ELL: variants seen among roughly 807,000 people sequenced by gnomAD.
The protein encoded by ELL is elongation factor for RNA polymerase II, also known as RNA polymerase II elongation factor ELL.
In ELL, 18 loss-of-function variants were observed where a neutral mutation model predicts 64.0. That is an observed-to-expected ratio of 0.28 (90% CI 0.19 to 0.42). ELL has a LOEUF of 0.42. Among genes scored for constraint, ELL ranks in the 10% least tolerant of loss-of-function variants. ELL has a pLI of 1.00. For synonymous variants in ELL, 399 were observed against 376.2 expected (o/e 1.06, Z -0.70); for missense variants, 797 against 870.4 (o/e 0.92, Z 1.06).
intron 6 of ELL, among the ~76,000 whole-genome samples, chr19:18,457,694 G>A (rs1204796052): frequency 1.3e-5 from 2 of 152,218 alleles, no homozygotes; most frequent in Non-Finnish European, 2.9e-5. Context: ...CTGCTCCCCT[G>A]AGCTGCTGCC....
intron 1 of ELL, among the ~76,000 whole-genome samples, chr19:18,474,531 C>G (rs1453972141): frequency 6.6e-6 from 1 of 152,252 alleles, no homozygotes; most frequent in Non-Finnish European, 1.5e-5. Flanking sequence ...CACCCCTCAA[C>G]AAATACATGG....
At chr19:18,482,086 T>C (rs573717888) in intron 1 of ELL, among the ~76,000 whole-genome samples, 49 of 152,082 alleles carry the variant, frequency 3.2e-4, no homozygotes, top group African/African-American at 1.1e-3. Context: ...CTCGTGGAGG[T>C]TCATGTTTGG....
In ELL at chr19:18,461,567, G is replaced by A. The variant is rs1568380667; in HGVS notation, c.744+11C>T. The A allele has an allele frequency of 6.9e-6, 11 of 1,590,066 alleles. No homozygotes were observed. The highest frequency in any genetic ancestry group is 9.4e-6 in the Non-Finnish European group (11 of 1,172,958). ...CCACTGGTAAAGACAAGACATCGGG[G>A]CGGCACCCACCTGCTGGAGGAGGCC... On this transcript the variant is annotated intron_variant, in intron 5 of 11. Coordinates refer to ENST00000262809, the MANE Select transcript of ELL (RefSeq NM_006532.4).
At chr19:18,493,781 T>A (rs1376175849) in intron 1 of ELL, among the ~76,000 whole-genome samples, 1 of 152,108 alleles carries the variant, frequency 6.6e-6, no homozygotes, top group Non-Finnish European at 1.5e-5. Flanking sequence ...AGCAACCCCA[T>A]CCCTTTCTCA....
chr19:18,498,822 C>T (rs1003086276), intron 1 of ELL, among the ~76,000 whole-genome samples: 4 of 152,094 alleles, frequency 2.6e-5, no homozygotes, highest in South Asian at 4.2e-4. Context: ...TGGTGGCAGG[C>T]GCCTATAGTC....
At chr19:18,472,807 A>C (rs745426105) in intron 2 of ELL, 28 bp downstream of exon 2, 6 of 1,606,238 alleles carry the variant, frequency 3.7e-6, no homozygotes, top group Non-Finnish European at 5.1e-6. Flanking sequence ...CAAGATTCCA[A>C]ATATGAATGA....
At chr19:18,455,359 C>T (rs542013655) in intron 6 of ELL, among the ~76,000 whole-genome samples, 2 of 150,056 alleles carry the variant, frequency 1.3e-5, no homozygotes, top group East Asian at 2.0e-4. Flanking sequence ...GGCGTGGTGG[C>T]GGGCACCTGT....
chr19:18,488,860 CTA>C (rs1315004534), intron 1 of ELL, among the ~76,000 whole-genome samples: 1 of 152,194 alleles, frequency 6.6e-6, no homozygotes, highest in Non-Finnish European at 1.5e-5. Flanking sequence ...TGGCACCCTG[CTA>C]TGTCAGAATG....
chr19:18,520,685 T>C (rs1394967002), intron 1 of ELL, among the ~76,000 whole-genome samples: 3 of 151,638 alleles, frequency 2.0e-5, no homozygotes, highest in Admixed American at 6.6e-5. Flanking sequence ...CCTTCCTAGT[T>C]AGTCTCCCTC....
At chr19:18,465,634 T>C (rs746555394) in intron 3 of ELL, 59 bp from the exon 4 acceptor site, 23 of 1,499,150 alleles carry the variant, frequency 1.5e-5, no homozygotes, top group Non-Finnish European at 1.9e-5. Flanking sequence ...GAGGATCCGT[T>C]GAGGGCCCAA....
At chr19:18,508,728 A>AGTT (rs1975937136) in intron 1 of ELL, among the ~76,000 whole-genome samples, 1 of 152,270 alleles carries the variant, frequency 6.6e-6, no homozygotes, top group South Asian at 2.1e-4. Context: ...TGAGCTAGAC[A>AGTT]GTTGCAGCCT....
intron 2 of ELL, among the ~76,000 whole-genome samples, chr19:18,468,227 T>TACACAC (rs112698624): frequency 2.9e-4 from 43 of 148,014 alleles, no homozygotes; most frequent in African/African-American, 5.9e-4. Flanking sequence ...AAACAATCCA[T>TACACAC]ACACACACAC....
At chr19:18,455,785 A>G (rs1038049195) in intron 6 of ELL, among the ~76,000 whole-genome samples, 2 of 151,424 alleles carry the variant, frequency 1.3e-5, no homozygotes, top group African/African-American at 4.8e-5. Context: ...GTCTCCTAAA[A>G]GGAGAATAAA....
At chr19:18,451,267 C>A (rs1252420646) in intron 7 of ELL, among the ~76,000 whole-genome samples, 1 of 152,218 alleles carries the variant, frequency 6.6e-6, no homozygotes, top group Non-Finnish European at 1.5e-5. Context: ...CCAGTGATAA[C>A]TGTGACACAG....
chr19:18,451,083 C>T lies in ELL; in HGVS notation c.967-108G>A. ...CCCAACGCCGCCTGCAAGGCCCACG[C>T]TGGCCACATGGGGGCGCCCGAGCAC... On this transcript the variant is annotated intron_variant, in intron 7 of 11. Transcript: ENST00000262809. 5 of 1,388,954 alleles carry T rather than the reference C, an allele frequency of 3.6e-6. No individual in the cohort carries two copies. In the South Asian group the frequency reaches 5.3e-5, roughly 15 times the overall value. 86.0% of individuals were successfully genotyped at this position (1,388,954 alleles called of 1,614,324 possible). A position where few individuals can be genotyped will look rare whatever the true frequency, so the allele number is the denominator to read the frequency against.
chr19:18,461,985 A>C, intron 4 of ELL, 133 bp from the exon 5 acceptor site: 1 of 1,210,374 alleles, frequency 8.3e-7, no homozygotes. Flanking sequence ...ACCACAGCAA[A>C]AGCCAGCTTG....
At chr19:18,471,249 C>A in intron 2 of ELL, 1 of 363,938 alleles carries the variant, frequency 2.7e-6, no homozygotes, top group South Asian at 2.1e-5. Flanking sequence ...GTAGTGTACA[C>A]CAGTAGTCCC....
intron 1 of ELL, among the ~76,000 whole-genome samples, chr19:18,478,438 C>T (rs140590178): frequency 6.6e-6 from 1 of 152,336 alleles, no homozygotes; most frequent in East Asian, 1.9e-4. Context: ...CCTCAGGCCA[C>T]CGCCTGCCCA....
At position 18,500,120 on chromosome 19, in the gene ELL, G is replaced by A. The variant is rs546255261; in HGVS notation, c.135+21801C>T. On this transcript the variant is annotated intron_variant, in intron 1 of 11. Transcript: ENST00000262809. The stretch of plus-strand genomic sequence containing the variant: ...CTACTAAAAATACAAAAATTATCTG[G>A]GCATGGTGGCGGGTGCCTGTAACCC... Among the ~76,000 whole-genome samples, 7 of 152,226 alleles carry A rather than the reference G, an allele frequency of 4.6e-5. No homozygotes were observed. The South Asian group carries it at 6.2e-4, about 14-fold the overall frequency.
Sources: allele counts gnomAD v4.1 joint callset (sites outside exome capture counted in the v4.1 genomes callset), GRCh38; gene constraint gnomAD v4.1.1; transcripts MANE v1.5; gene names NCBI Gene and HGNC (gene_info 2026-07-23, HGNC 2026-07-21).